The following MGAT1 variants were observed in gnomAD, a reference collection of about 807,000 sequenced individuals.
MGAT1 encodes alpha-1,3-mannosyl-glycoprotein 2-beta-N-acetylglucosaminyltransferase.
In MGAT1, 14 loss-of-function variants were observed where a neutral mutation model predicts 31.7. That is an observed-to-expected ratio of 0.44 (90% CI 0.29 to 0.69). The LOEUF (loss-of-function observed/expected upper bound fraction) is 0.69, where lower values mean the gene tolerates loss of function less well. MGAT1 is among the 30% of genes least tolerant of loss of function. The pLI is 0.12. For missense variants in MGAT1, 557 were observed against 626.0 expected, an observed-to-expected ratio of 0.89 and a Z score of 1.18; for synonymous variants, 338 against 276.0, an observed-to-expected ratio of 1.22 and a Z score of -2.23.
intron 1 of MGAT1, among the ~76,000 whole-genome samples, chr5:180,794,893 C>G (rs868452802): frequency 4.6e-4 from 70 of 152,142 alleles, no homozygotes; most frequent in African/African-American, 1.6e-3. Flanking sequence ...TTGATGGTAA[C>G]TTTATTCATA....
chr5:180,796,580 A>G (rs1362213948), intron 1 of MGAT1, among the ~76,000 whole-genome samples: 1 of 152,152 alleles, frequency 6.6e-6, no homozygotes, highest in Non-Finnish European at 1.5e-5. Context: ...TATGTGGAAG[A>G]AAAGAGTGAT....
chr5:180,791,478 CTT>C lies in MGAT1; in HGVS notation c.*154_*155del, dbSNP rs563227965. 1.2e-3 allele frequency: 1,084 copies of C among 873,142 alleles called. 28 individuals are homozygous for C. The South Asian group carries it at 0.017, about 14-fold the overall frequency. The allele number at this position is 873,142 out of a possible 1,614,324, so 54.1% of individuals were successfully genotyped here. A position where few individuals can be genotyped will look rare whatever the true frequency, so the allele number is the denominator to read the frequency against. On this transcript the variant is annotated 3_prime_UTR_variant, in exon 2 of 2. Coordinates refer to ENST00000307826, the MANE Select transcript of MGAT1 (RefSeq NM_002406.4). ...CCCTTGAGAACGGGAGAATAATCCT[CTT>C]GTTATCATTTGTGCACTTAAATGCC...
chr5:180,804,767 G>A (rs1158664439), upstream of MGAT1, among the ~76,000 whole-genome samples: 1 of 152,226 alleles, frequency 6.6e-6, no homozygotes, highest in East Asian at 1.9e-4. Flanking sequence ...GACATCAGGG[G>A]GTGCTGAAAG....
chr5:180,815,077 C>G (rs1272596066), intron 1 of MGAT1, among the ~76,000 whole-genome samples: 2 of 152,092 alleles, frequency 1.3e-5, no homozygotes, highest in African/African-American at 4.8e-5. Flanking sequence ...TGAGAGCCCT[C>G]TTGATGGTAG....
upstream of MGAT1, among the ~76,000 whole-genome samples, chr5:180,806,904 C>G (rs75361920): frequency 4.6e-5 from 7 of 152,318 alleles, no homozygotes; most frequent in East Asian, 1.4e-3. Flanking sequence ...CAGAAATTTG[C>G]TGGGTGAAGC....
intron 1 of MGAT1, among the ~76,000 whole-genome samples, chr5:180,794,027 A>C (rs1471013328): frequency 6.6e-6 from 1 of 152,024 alleles, no homozygotes; most frequent in African/African-American, 2.4e-5. Context: ...CACATGAAAA[A>C]CTAGGAAAAC....
Position 180,792,804 on chromosome 5 carries a change from G to A in MGAT1, c.168C>T (p.Arg56=). The change falls in exon 2 of 2, where the codon CGC becomes CGT. Residue 56 remains arginine, a synonymous_variant. Coordinates refer to ENST00000307826, the MANE Select transcript of MGAT1 (RefSeq NM_002406.4). Reference sequence around the variant, plus strand: ...GCTCCACCTCGGCGTCTTGGGCCAGGCGAATCACTTCCCGGGTGAGGCTGG... The same window carrying A: ...GCTCCACCTCGGCGTCTTGGGCCAGACGAATCACTTCCCGGGTGAGGCTGG... ...DPASLTREVI[R]LAQDAEVELE... 1.3e-6 allele frequency: 2 copies of A among 1,556,568 alleles called. No individual in the cohort carries two copies. Among genetic ancestry groups the A allele is most frequent in the South Asian group, 1.2e-5 (1 of 84,758 alleles).
chr5:180,793,643 A>C lies in MGAT1; in HGVS notation c.-126-546T>G, dbSNP rs560541488. The stretch of plus-strand genomic sequence containing the variant: ...TTCAAAGCAGAAGTGGAAAGGAAGC[A>C]AACTATTTCTATTATCTTTACTTGT... On this transcript the variant is annotated intron_variant, in intron 1 of 1. Transcript: ENST00000307826. Among the ~76,000 whole-genome samples, 4 of 152,346 alleles carry C rather than the reference A, an allele frequency of 2.6e-5. No homozygotes were observed. In the South Asian group the frequency reaches 8.3e-4, roughly 32 times the overall value.
rs139719144 is a variant in MGAT1 at position 180,801,365 on chromosome 5, A to C, written c.-127+1315T>G. The stretch of plus-strand genomic sequence containing the variant: ...GCTTTGCTTAAAGTTAAAAAGCACT[A>C]CGTAAAAATTCCAGAAAATATAGAC... On this transcript the variant is annotated intron_variant, in intron 1 of 1. Transcript: ENST00000307826. Among the ~76,000 whole-genome samples the C allele has an allele frequency of 7.8e-4, 119 of 152,352 alleles. 3 individuals carry two copies. The highest frequency in any genetic ancestry group is 2.8e-3 in the African/African-American group (116 of 41,576).
chr5:180,808,517 G>A (rs890540475), intron 2 of MGAT1: 1 of 152,208 alleles, frequency 6.6e-6, no homozygotes, highest in Non-Finnish European at 1.5e-5. Context: ...CAGAGTAATG[G>A]AGAGGTGTAG....
rs146261483 is a variant in MGAT1, at chr5:180,793,117, A to G, written c.-126-20T>C. ...ATGCACCTAAAGACAGGAGAGAGAA[A>G]GCAAACCGTCACACAAAGGCTCGTG... is the stretch of plus-strand genomic sequence containing the variant. On this transcript the variant is annotated intron_variant, in intron 1 of 1. Transcript: ENST00000307826. 0.019 allele frequency: 19,380 copies of G among 1,002,440 alleles called. 231 individuals are homozygous for G. Among genetic ancestry groups the G allele is most frequent in the Middle Eastern group, 0.026 (81 of 3,128 alleles). The allele number at this position is 1,002,440 out of a possible 1,614,324, so 62.1% of individuals were successfully genotyped here. A position where few individuals can be genotyped will look rare whatever the true frequency, so the allele number is the denominator to read the frequency against.
chr5:180,794,411 T>TTTTATATATATATATATATATATA (rs528893463), intron 1 of MGAT1, among the ~76,000 whole-genome samples: 27 of 142,028 alleles, frequency 1.9e-4, no homozygotes, highest in African/African-American at 6.2e-4. Context: ...TTTTTTTTTA[T>TTTTATATATATATATATATATATA]TATATATATA....
In MGAT1 at chr5:180,787,832, T is replaced by C. The variant is rs890151102; in HGVS notation, c.*3802A>G. 4 of 152,296 alleles carry C rather than the reference T, an allele frequency of 2.6e-5. No homozygotes were observed. Among genetic ancestry groups the C allele is most frequent in the Non-Finnish European group, 4.4e-5 (3 of 68,100 alleles). 9.4% of individuals were successfully genotyped at this position (152,296 alleles called of 1,614,324 possible). ...GCCTTGGCCAGACTCCATCAGACAT[T>C]TGTCTCCACTGGGGGCGACTTGATC... On this transcript the variant is annotated 3_prime_UTR_variant, in exon 2 of 2. Transcript: ENST00000307826.
At position 180,791,971 on chromosome 5, in the gene MGAT1, A is replaced by G; in HGVS notation, c.1001T>C (p.Leu334Pro). 1 of 1,614,210 alleles carries G rather than the reference A, an allele frequency of 6.2e-7. No homozygotes were observed. The highest frequency in any genetic ancestry group is 8.5e-7 in the Non-Finnish European group (1 of 1,180,042). Residue 334 changes from leucine (L) to proline (P), a missense_variant, in exon 2 of 2, where the codon CTG becomes CCG. Physicochemically the swap from Leu to Pro is moderately conservative, Grantham distance 98. Transcript: ENST00000307826. ...GGTGAAGTGCACAAACTGCTGGTTCAGCTTGATAAACTTGAGGTGCTGGTC... is the reference window on the plus strand; with the variant it reads ...GGTGAAGTGCACAAACTGCTGGTTCGGCTTGATAAACTTGAGGTGCTGGTC... ...FFDQHLKFIK[L>P]NQQFVHFTQL...
At chr5:180,795,523 T>C (rs927390978) in intron 1 of MGAT1, 3 of 152,178 alleles carry the variant, frequency 2.0e-5, no homozygotes, top group African/African-American at 7.2e-5. Context: ...TATTGAGAAG[T>C]AGAGGACCAG....
chr5:180,811,591 C>T (rs569361216), intron 1 of MGAT1, among the ~76,000 whole-genome samples: 2 of 151,858 alleles, frequency 1.3e-5, no homozygotes, highest in Admixed American at 1.3e-4. Context: ...CAATCTGTGT[C>T]TAGGATGCAA....
rs549042117 is a variant in MGAT1 at position 180,795,298 on chromosome 5, T to TATATATATATAC, written c.-126-2202_-126-2201insGTATATATATAT. ...ACAGGTATATATATATATATATATA[T>TATATATATATAC]ACACACACACACATATATGTCAAAA... On this transcript the variant is annotated intron_variant, in intron 1 of 1. Coordinates refer to ENST00000307826, the MANE Select transcript of MGAT1 (RefSeq NM_002406.4). 6.7e-3 allele frequency: 1,001 copies of TATATATATATAC among 148,920 alleles called. 16 individuals are homozygous for TATATATATATAC. The highest frequency in any genetic ancestry group is 0.019 in the African/African-American group (758 of 39,492). 9.2% of individuals were successfully genotyped at this position (148,920 alleles called of 1,614,324 possible).
Position 180,792,827 on chromosome 5 carries a change from T to C in MGAT1, c.145A>G (p.Ser49Gly), listed in dbSNP as rs201892739. The C allele has an allele frequency of 1.9e-6, 3 of 1,560,770 alleles. No homozygotes were observed. The highest frequency in any genetic ancestry group is 2.6e-6 in the Non-Finnish European group (3 of 1,153,336). ...AGGCGAATCACTTCCCGGGTGAGGCTGGCGGGGTCGCCATCGAGAGCGCTG... is the reference window on the plus strand; with the variant it reads ...AGGCGAATCACTTCCCGGGTGAGGCCGGCGGGGTCGCCATCGAGAGCGCTG... Reference protein sequence around the residue: ...SVSALDGDPASLTREVIRLAQ... With the variant: ...SVSALDGDPAGLTREVIRLAQ... The change falls in exon 2 of 2, where the codon AGC becomes GGC. Residue 49 changes from serine (S) to glycine (G), a missense_variant. Ser to Gly is a moderately conservative substitution (Grantham distance 56). Around this residue, in one of 3 missense-constraint regions of MGAT1, gnomAD observed 167 missense variants for 149.8 expected, o/e 1.11. Transcript: ENST00000307826.
At chr5:180,813,736 CCT>C (rs1772703748) in intron 1 of MGAT1, among the ~76,000 whole-genome samples, 1 of 152,170 alleles carries the variant, frequency 6.6e-6, no homozygotes, top group Admixed American at 6.5e-5. Flanking sequence ...CCAGTGGACC[CCT>C]CTTTCCTATG....
Sources: gnomAD v4.1 joint callset for allele counts (sites outside exome capture counted in the v4.1 genomes callset) on GRCh38, gnomAD v4.1.1 for gene constraint, gnomAD v4.1.1 regional missense constraint, MANE v1.5 for transcripts, NCBI Gene and HGNC (gene_info 2026-07-23, HGNC 2026-07-21) for gene names.